The following MIPEP variants were observed in gnomAD, a reference collection of about 807,000 sequenced individuals.
The protein encoded by MIPEP is mitochondrial intermediate peptidase.
A neutral mutation model predicts 90.3 loss-of-function variants in MIPEP; 79 were observed. The observed-to-expected ratio is 0.87, with a 90% CI of 0.73 to 1.05. The LOEUF (loss-of-function observed/expected upper bound fraction) is 1.05. Ranked by LOEUF, MIPEP falls within the 50% of genes least tolerant of loss-of-function variation. The pLI is 0.00. For missense variants in MIPEP, 940 were observed against 905.6 expected, an observed-to-expected ratio of 1.04 and a Z score of -0.49; for synonymous variants, 334 against 315.8, an observed-to-expected ratio of 1.06 and a Z score of -0.61.
chr13:23,804,416 T>C (rs149516625), intron 16 of MIPEP, among the ~76,000 whole-genome samples: 90 of 152,308 alleles, frequency 5.9e-4, no homozygotes, highest in African/African-American at 2.1e-3. Flanking sequence ...AATCAGGCAA[T>C]GCTCTGTGAA....
chr13:23,773,753 T>C (rs1486439623), intron 16 of MIPEP, among the ~76,000 whole-genome samples: 1 of 152,214 alleles, frequency 6.6e-6, no homozygotes, highest in African/African-American at 2.4e-5. Context: ...TTTTTGTATC[T>C]TCCTTGGAGA....
At chr13:23,731,875 A>G (rs1952209172) in intron 18 of MIPEP, among the ~76,000 whole-genome samples, 1 of 152,086 alleles carries the variant, frequency 6.6e-6, no homozygotes, top group Non-Finnish European at 1.5e-5. Context: ...CACAACTAAT[A>G]GGCACTGAGA....
intron 18 of MIPEP, among the ~76,000 whole-genome samples, chr13:23,742,093 T>A (rs1952336896): frequency 6.6e-6 from 1 of 152,220 alleles, no homozygotes; most frequent in South Asian, 2.1e-4. Flanking sequence ...ACCAACAGCC[T>A]CAGGGGCACT....
rs527431524 is a variant in MIPEP, at chr13:23,744,833, G to A, written c.2044+11712C>T. 2.6e-5 allele frequency among the ~76,000 whole-genome samples: 4 copies of A among 152,258 alleles called. No individual in the cohort carries two copies. The South Asian group carries it at 8.3e-4, about 32-fold the overall frequency. ...TTATCTTTAGAAAATCAATACACAG[G>A]CTATGGAAGCATTTAAATAAAATGT... On this transcript the variant is annotated intron_variant, in intron 18 of 18. Transcript: ENST00000382172.
intron 16 of MIPEP, among the ~76,000 whole-genome samples, chr13:23,794,578 A>G (rs1251917363): frequency 6.6e-6 from 1 of 152,220 alleles, no homozygotes; most frequent in African/African-American, 2.4e-5. Flanking sequence ...TTTAAGATAC[A>G]AAAGTTTACC....
chr13:23,876,574 C>A lies in MIPEP; in HGVS notation c.540-1665G>T, dbSNP rs563093226. Among the ~76,000 whole-genome samples the A allele has an allele frequency of 4.0e-5, 6 of 149,690 alleles. No homozygotes were observed. In the Admixed American group the frequency reaches 4.0e-4, roughly 10 times the overall value. On this transcript the variant is annotated intron_variant, in intron 4 of 18. Coordinates refer to ENST00000382172, the MANE Select transcript of MIPEP (RefSeq NM_005932.4). ...GAGTTTCACAAACAGAATCTTTTGC[C>A]CATTTTTCTATAAGGGGGGTTTTTG...
At chr13:23,742,931 T>C (rs78512757) in intron 18 of MIPEP, among the ~76,000 whole-genome samples, 31,416 of 152,082 alleles carry the variant, frequency 0.21, 4,267 homozygotes, top group Middle Eastern at 0.32. Flanking sequence ...AACTATACAT[T>C]TAAAAATGGT....
intron 14 of MIPEP, among the ~76,000 whole-genome samples, chr13:23,830,930 A>C (rs900390855): frequency 6.6e-6 from 1 of 152,154 alleles, no homozygotes; most frequent in African/African-American, 2.4e-5. Context: ...TATGCTGAGG[A>C]CAAAGGGATA....
At chr13:23,798,515 T>G (rs967785305) in intron 16 of MIPEP, among the ~76,000 whole-genome samples, 45 of 152,122 alleles carry the variant, frequency 3.0e-4, no homozygotes, top group Non-Finnish European at 4.1e-4. Context: ...TGTTTATAGA[T>G]TATATAAATC....
At chr13:23,754,902 G>T (rs1952475673) in intron 18 of MIPEP, among the ~76,000 whole-genome samples, 1 of 152,222 alleles carries the variant, frequency 6.6e-6, no homozygotes, top group Non-Finnish European at 1.5e-5. Context: ...CCCTGAACTA[G>T]ATGTCCTGTC....
At chr13:23,764,097 A>G (rs993160421) in intron 16 of MIPEP, among the ~76,000 whole-genome samples, 2 of 152,172 alleles carry the variant, frequency 1.3e-5, no homozygotes, top group Admixed American at 1.3e-4. Context: ...AAGCTTTCAC[A>G]CTTCCTTCAG....
chr13:23,830,477 G>GT lies in MIPEP; in HGVS notation c.1653+5762dup, dbSNP rs142473954. Among the ~76,000 whole-genome samples, 3,943 of 152,198 alleles carry GT rather than the reference G, an allele frequency of 0.026. 405 individuals carry two copies. In the East Asian group the frequency reaches 0.34, roughly 13 times the overall value. On this transcript the variant is annotated intron_variant, in intron 14 of 18. Coordinates refer to ENST00000382172, the MANE Select transcript of MIPEP (RefSeq NM_005932.4). Reference sequence around the variant, plus strand: ...GGTTCAGAGAAGAGCATGTGGTAATGTTTTACTTCTCAGGTTGGAGAATGG... The same window carrying GT: ...GGTTCAGAGAAGAGCATGTGGTAATGTTTTTACTTCTCAGGTTGGAGAATGG...
chr13:23,862,089 G>T (rs1870330413), intron 9 of MIPEP, among the ~76,000 whole-genome samples: 1 of 152,088 alleles, frequency 6.6e-6, no homozygotes, highest in Non-Finnish European at 1.5e-5. Flanking sequence ...CATAAAATAT[G>T]TCGACTCCTC....
chr13:23,781,006 T>C (rs1460002581), intron 16 of MIPEP, among the ~76,000 whole-genome samples: 1 of 152,014 alleles, frequency 6.6e-6, no homozygotes, highest in Non-Finnish European at 1.5e-5. Flanking sequence ...ACGGGGAGAA[T>C]GGAACCAAGT....
intron 10 of MIPEP, among the ~76,000 whole-genome samples, chr13:23,844,568 G>A (rs1172107242): frequency 1.3e-5 from 2 of 151,942 alleles, no homozygotes; most frequent in Non-Finnish European, 2.9e-5. Context: ...ACTATAATTG[G>A]TTATAAAAAG....
intron 15 of MIPEP, 118 bp from the exon 16 acceptor site, chr13:23,806,187 T>C: frequency 9.7e-7 from 1 of 1,031,060 alleles, no homozygotes; most frequent in East Asian, 2.4e-5. Flanking sequence ...TTGAAAACAG[T>C]CACAAAAATA....
chr13:23,769,574 G>C (rs191811463), intron 16 of MIPEP, among the ~76,000 whole-genome samples: 1 of 152,150 alleles, frequency 6.6e-6, no homozygotes, highest in Non-Finnish European at 1.5e-5. Context: ...GCAGGTGTGT[G>C]GGGGGAGGGC....
chr13:23,839,714 C>A lies in MIPEP; in HGVS notation c.1273G>T (p.Glu425Ter). The A allele has an allele frequency of 6.2e-7, 1 of 1,611,036 alleles. No homozygotes were observed. Among genetic ancestry groups the A allele is most frequent in the South Asian group, 1.1e-5 (1 of 90,200 alleles). Residue 425 changes from glutamate to a stop codon, truncating the protein, a stop_gained, in exon 12 of 19, where the codon GAA becomes TAA. Coordinates refer to ENST00000382172, the MANE Select transcript of MIPEP (RefSeq NM_005932.4). LOFTEE classifies it high-confidence loss of function. The part of the protein sequence containing the change: ...EDVRKLAVVH[E>*]SEGLLGYIYC... Reference sequence around the variant, plus strand: ...ATGTACCCCAACAATCCTTCAGATTCATGAACAACAGCCTAGAAAAAAAAA... The same window carrying A: ...ATGTACCCCAACAATCCTTCAGATTAATGAACAACAGCCTAGAAAAAAAAA...
chr13:23,736,438 A>G (rs1403079905), intron 18 of MIPEP, among the ~76,000 whole-genome samples: 1 of 152,178 alleles, frequency 6.6e-6, no homozygotes, highest in Non-Finnish European at 1.5e-5. Flanking sequence ...CTGAGAGACA[A>G]ATGGGCTAAG....
Sources: allele counts gnomAD v4.1 joint callset (sites outside exome capture counted in the v4.1 genomes callset), GRCh38; gene constraint gnomAD v4.1.1; transcripts MANE v1.5; gene names NCBI Gene and HGNC (gene_info 2026-07-23, HGNC 2026-07-21).